RFTN1: variants seen among roughly 807,000 people sequenced by gnomAD.
The protein encoded by RFTN1 is raftlin.
A neutral mutation model predicts 46.5 loss-of-function variants in RFTN1; 26 were observed. The observed-to-expected ratio is 0.56, with a 90% CI of 0.41 to 0.78. The LOEUF is 0.78. Ranked by LOEUF, RFTN1 falls within the 30% of genes least tolerant of loss-of-function variation. The probability of loss-of-function intolerance (pLI) is 0.00; values close to 1 mark genes in which losing one functional copy is unlikely to be tolerated. For missense variants in RFTN1, 693 were observed against 718.7 expected (o/e 0.96, Z 0.41); for synonymous variants, 261 against 284.2 (o/e 0.92, Z 0.82).
rs1036794182 is a variant in RFTN1 at position 16,348,307 on chromosome 3, C to G, written c.1146+9625G>C. On this transcript the variant is annotated intron_variant, in intron 7 of 9. Coordinates refer to ENST00000334133, the MANE Select transcript of RFTN1 (RefSeq NM_015150.2). The surrounding 1 kb of genome is among the most constrained non-coding windows in gnomAD (Gnocchi z 6.3). ...GCGTCTAGGAGATCACCCACATTAT[C>G]TATTATTGAAGGCATCTAGGAGATC... Among the ~76,000 whole-genome samples, 49 of 152,006 alleles carry G rather than the reference C, an allele frequency of 3.2e-4. No individual in the cohort carries two copies. Among genetic ancestry groups the G allele is most frequent in the Non-Finnish European group, 6.6e-4 (45 of 68,002 alleles).
Position 16,446,913 on chromosome 3 carries a change from T to C in RFTN1, c.146-12876A>G, listed in dbSNP as rs1278788831. 1.3e-5 allele frequency among the ~76,000 whole-genome samples: 2 copies of C among 152,218 alleles called. No individual in the cohort carries two copies. Among genetic ancestry groups the C allele is most frequent in the African/African-American group, 2.4e-5 (1 of 41,468 alleles). On this transcript the variant is annotated intron_variant, in intron 2 of 9. Coordinates refer to ENST00000334133, the MANE Select transcript of RFTN1 (RefSeq NM_015150.2). The surrounding 1 kb of genome is among the most constrained non-coding windows in gnomAD (Gnocchi z 4.5). ...AGGTGAATTTTCAAAAGCTTCTGAA[T>C]ATAGTAATATAAAATGACAAACTAT...
At position 16,474,386 on chromosome 3, in the gene RFTN1, C is replaced by T. The variant is rs1239026937; in HGVS notation, c.145+19339G>A. ...TCACTCTGCCAGCACTATTCCCTGA[C>T]ATGCAGGGTGATGGACTGCTACACA... is the stretch of plus-strand genomic sequence containing the variant. On this transcript the variant is annotated intron_variant, in intron 2 of 9. Transcript: ENST00000334133. This position sits in a 1 kb window ranked among gnomAD's most constrained non-coding sequence, Gnocchi z 5.5. Among the ~76,000 whole-genome samples, 1 of 152,216 alleles carries T rather than the reference C, an allele frequency of 6.6e-6. No homozygotes were observed. Among genetic ancestry groups the T allele is most frequent in the Non-Finnish European group, 1.5e-5 (1 of 68,030 alleles).
chr3:16,485,084 T>C (rs758691748), intron 2 of RFTN1, among the ~76,000 whole-genome samples: 1 of 152,202 alleles, frequency 6.6e-6, no homozygotes, highest in Non-Finnish European at 1.5e-5. Flanking sequence ...AAACATGTAT[T>C]TAGCATAAAC....
chr3:16,326,784 G>A lies in RFTN1; in HGVS notation c.1239C>T (p.Val413=), dbSNP rs781385817. The A allele has an allele frequency of 1.9e-6, 3 of 1,613,832 alleles. No homozygotes were observed. The South Asian group carries it at 3.3e-5, about 18-fold the overall frequency. ...QLTCVLPTPV[V]KTTSEGSVST... ...ACTGTTATTGTTACCTGGTAGTCTT[G>A]ACGACGGGAGTTGGTAGCACACAGG... is the stretch of plus-strand genomic sequence containing the variant. The change falls in exon 8 of 10, where the codon GTC becomes GTT. Residue 413 remains valine (V), a synonymous_variant. Coordinates refer to ENST00000334133, the MANE Select transcript of RFTN1 (RefSeq NM_015150.2).
intron 1 of RFTN1, among the ~76,000 whole-genome samples, chr3:16,502,127 GAGGCCA>G (rs11278605): frequency 0.041 from 6,179 of 152,124 alleles, 406 homozygotes; most frequent in African/African-American, 0.14. Flanking sequence ...AACACTTTGG[GAGGCCA>G]AGGCAGGTGA....
chr3:16,317,783 T>C lies in RFTN1; in HGVS notation c.1333-551A>G, dbSNP rs1190578454. Among the ~76,000 whole-genome samples, 1 of 152,044 alleles carries C rather than the reference T, an allele frequency of 6.6e-6. No homozygotes were observed. Among genetic ancestry groups the C allele is most frequent in the African/African-American group, 2.4e-5 (1 of 41,316 alleles). ...CTCCCCAGCTAGGCCGATAGCCCTT[T>C]GCTGACCACCACCTCACAGAAGGGT... is the stretch of plus-strand genomic sequence containing the variant. On this transcript the variant is annotated intron_variant, in intron 9 of 9. Coordinates refer to ENST00000334133, the MANE Select transcript of RFTN1 (RefSeq NM_015150.2). This position sits in a 1 kb window ranked among gnomAD's most constrained non-coding sequence, Gnocchi z 4.3.
At chr3:16,363,025 C>T (rs1482672777) in intron 6 of RFTN1, among the ~76,000 whole-genome samples, 4 of 152,196 alleles carry the variant, frequency 2.6e-5, no homozygotes, top group Non-Finnish European at 5.9e-5. Flanking sequence ...CACTGCCTGC[C>T]TCCCAGCCTC....
intron 7 of RFTN1, among the ~76,000 whole-genome samples, chr3:16,357,123 A>C (rs916111828): frequency 1.7e-4 from 14 of 81,920 alleles, no homozygotes; most frequent in Non-Finnish European, 2.2e-4. Flanking sequence ...TCAAAAAAAA[A>C]AAAAACAAAA....
At chr3:16,508,063 G>A (rs926491652) in intron 1 of RFTN1, among the ~76,000 whole-genome samples, 9 of 152,138 alleles carry the variant, frequency 5.9e-5, no homozygotes, top group African/African-American at 9.7e-5. Flanking sequence ...AGAGTTTGTC[G>A]GCATCAAACA....
At chr3:16,395,634 A>G (rs2074451277) in intron 4 of RFTN1, among the ~76,000 whole-genome samples, 1 of 152,170 alleles carries the variant, frequency 6.6e-6, no homozygotes, top group African/African-American at 2.4e-5. Context: ...ATTTTTGTAG[A>G]GACAGGGTCT....
In RFTN1 at chr3:16,443,780, C is replaced by T. The variant is rs1231158272; in HGVS notation, c.146-9743G>A. Among the ~76,000 whole-genome samples the T allele has an allele frequency of 1.3e-5, 2 of 151,510 alleles. No individual in the cohort carries two copies. Among genetic ancestry groups the T allele is most frequent in the Admixed American group, 1.3e-4 (2 of 15,200 alleles). On this transcript the variant is annotated intron_variant, in intron 2 of 9. Coordinates refer to ENST00000334133, the MANE Select transcript of RFTN1 (RefSeq NM_015150.2). This position sits in a 1 kb window ranked among gnomAD's most constrained non-coding sequence, Gnocchi z 5.5. ...ACACACACACACACACACACACACA[C>T]ACACCACTGTACTGTAAAAATTCAG...
intron 6 of RFTN1, among the ~76,000 whole-genome samples, chr3:16,359,201 A>T (rs1453567430): frequency 1.3e-5 from 2 of 152,120 alleles, no homozygotes; most frequent in African/African-American, 4.8e-5. Context: ...AAGTGGTTTG[A>T]AGCTAGGCTC....
At position 16,358,481 on chromosome 3, in the gene RFTN1, A is replaced by G. The variant is rs189599943; in HGVS notation, c.1031-434T>C. Among the ~76,000 whole-genome samples the G allele has an allele frequency of 2.6e-5, 4 of 151,682 alleles. No individual in the cohort carries two copies. The East Asian group carries it at 7.8e-4, about 29-fold the overall frequency. ...TTAAAGGGAAGAGATATAACACACC[A>G]GATCTGAGCTTGTCAGATGCGTTGA... On this transcript the variant is annotated intron_variant, in intron 6 of 9. Coordinates refer to ENST00000334133, the MANE Select transcript of RFTN1 (RefSeq NM_015150.2).
intron 1 of RFTN1, among the ~76,000 whole-genome samples, chr3:16,503,173 C>T (rs1387610890): frequency 2.6e-5 from 4 of 152,162 alleles, no homozygotes; most frequent in Admixed American, 2.0e-4. Context: ...CTCTGCTGCT[C>T]TCCAGCCACC....
chr3:16,407,972 T>G lies in RFTN1; in HGVS notation c.441+1403A>C, dbSNP rs1358957665. ...CTGGAGCCTGAACACTCAATACATG[T>G]TGAAGGGAGGGTGGCAGCAAGGAAA... On this transcript the variant is annotated intron_variant, in intron 4 of 9. Transcript: ENST00000334133. The surrounding 1 kb of genome is among the most constrained non-coding windows in gnomAD (Gnocchi z 4.0). 6.6e-6 allele frequency among the ~76,000 whole-genome samples: 1 copy of G among 152,134 alleles called. No homozygotes were observed. Among genetic ancestry groups the G allele is most frequent in the Non-Finnish European group, 1.5e-5 (1 of 68,026 alleles).
rs2075924687 is a variant in RFTN1 at position 16,457,258 on chromosome 3, A to G, written c.146-23221T>C. On this transcript the variant is annotated intron_variant, in intron 2 of 9. Transcript: ENST00000334133. This position sits in a 1 kb window ranked among gnomAD's most constrained non-coding sequence, Gnocchi z 4.2. ...AGGGAGGCAAGTCTTCTTAAGAAGC[A>G]GTTTAACTCAGTGGTTAAGAGCCCA... Among the ~76,000 whole-genome samples, 1 of 152,234 alleles carries G rather than the reference A, an allele frequency of 6.6e-6. No homozygotes were observed. The highest frequency in any genetic ancestry group is 2.1e-4 in the South Asian group (1 of 4,832).
chr3:16,365,471 T>C (rs2073101686), intron 6 of RFTN1, among the ~76,000 whole-genome samples: 1 of 152,226 alleles, frequency 6.6e-6, no homozygotes, highest in Non-Finnish European at 1.5e-5. Flanking sequence ...TTAAAACATG[T>C]ACATGTGTTT....
chr3:16,406,326 C>T (rs536627468), intron 4 of RFTN1, among the ~76,000 whole-genome samples: 1 of 152,334 alleles, frequency 6.6e-6, no homozygotes, highest in East Asian at 1.9e-4. Context: ...AAAGCCACAG[C>T]CAGCAATGAC....
In RFTN1 at chr3:16,425,974, G is replaced by A. The variant is rs754685452; in HGVS notation, c.332+7877C>T. Among the ~76,000 whole-genome samples the A allele has an allele frequency of 6.6e-5, 10 of 152,056 alleles. No individual in the cohort carries two copies. Among genetic ancestry groups the A allele is most frequent in the Non-Finnish European group, 1.5e-4 (10 of 68,012 alleles). On this transcript the variant is annotated intron_variant, in intron 3 of 9. Transcript: ENST00000334133. The surrounding 1 kb of genome is among the most constrained non-coding windows in gnomAD (Gnocchi z 4.3). The stretch of plus-strand genomic sequence containing the variant: ...GGGCAGCTGCCAGCAACGGGTGTTC[G>A]CCCCACCTAAATCGGAATCCAAAAT...
Sources: gnomAD v4.1 joint callset for allele counts (sites outside exome capture counted in the v4.1 genomes callset) on GRCh38, gnomAD v4.1.1 for gene constraint, Gnocchi (gnomAD v3.1) non-coding constraint, MANE v1.5 for transcripts, NCBI Gene and HGNC (gene_info 2026-07-23, HGNC 2026-07-21) for gene names.